NLRC5: variants seen among roughly 807,000 people sequenced by gnomAD.
NLRC5 encodes the protein NLR family CARD domain containing 5, also known as protein NLRC5.
A neutral mutation model predicts 206.9 loss-of-function variants in NLRC5; 114 were observed. The ratio of observed to expected loss-of-function variants is 0.55; its 90% CI spans 0.47 to 0.64. The LOEUF is 0.64. NLRC5 is among the 30% of genes least tolerant of loss of function. The probability of loss-of-function intolerance (pLI) is 0.00; values close to 1 mark genes in which losing one functional copy is unlikely to be tolerated. For missense variants in NLRC5, 2,008 were observed against 2,305.5 expected, an observed-to-expected ratio of 0.87 and a Z score of 2.64; for synonymous variants, 952 against 962.8, an observed-to-expected ratio of 0.99 and a Z score of 0.21.
intron 14 of NLRC5, among the ~76,000 whole-genome samples, chr16:57,036,978 C>T (rs1190547882): frequency 2.0e-5 from 3 of 152,046 alleles, no homozygotes; most frequent in African/African-American, 7.2e-5. Context: ...TTCTTGCTGT[C>T]AAGCTGGACA....
intron 4 of NLRC5, among the ~76,000 whole-genome samples, chr16:57,023,379 G>C (rs2060886580): frequency 6.6e-6 from 1 of 152,200 alleles, no homozygotes; most frequent in Admixed American, 6.5e-5. Flanking sequence ...TAACAGAGGA[G>C]GGAGGTTGCA....
At chr16:56,993,709 A>C (rs1288683504) in intron 1 of NLRC5, among the ~76,000 whole-genome samples, 1 of 152,164 alleles carries the variant, frequency 6.6e-6, no homozygotes, top group Non-Finnish European at 1.5e-5. Flanking sequence ...AGTCACCTGT[A>C]GCTCATTTTC....
chr16:57,078,052 C>T, intron 43 of NLRC5, 32 bp downstream of exon 43: 1 of 1,526,366 alleles, frequency 6.6e-7, no homozygotes, highest in Non-Finnish European at 8.9e-7. Flanking sequence ...CCATGCAGGG[C>T]TGGTGGGGAG....
At chr16:57,053,915 G>A (rs1165379427) in intron 24 of NLRC5, among the ~76,000 whole-genome samples, 5 of 152,296 alleles carry the variant, frequency 3.3e-5, no homozygotes, top group African/African-American at 1.2e-4. Flanking sequence ...GGGAAGAGAT[G>A]TGTGCAGCAG....
chr16:57,031,998 G>A (rs1232986835), intron 11 of NLRC5, among the ~76,000 whole-genome samples: 8 of 151,796 alleles, frequency 5.3e-5, no homozygotes, highest in Admixed American at 4.6e-4. Flanking sequence ...TCCCAACTGT[G>A]CTCTACCACA....
rs76174399 is a variant in NLRC5 at position 56,997,318 on chromosome 16, A to C, written c.-128+7701A>C. ...AATACTGTAGCCTGATGCCCAGCCTATGCCGGGAACTCAGTACATAACAGC... is the reference window on the plus strand; with the variant it reads ...AATACTGTAGCCTGATGCCCAGCCTCTGCCGGGAACTCAGTACATAACAGC... On this transcript the variant is annotated intron_variant, in intron 1 of 48. Transcript: ENST00000688547. Among the ~76,000 whole-genome samples the C allele has an allele frequency of 0.011, 1,622 of 152,248 alleles. 70 individuals are homozygous for C. In the East Asian group the frequency reaches 0.11, roughly 10 times the overall value.
intron 1 of NLRC5, among the ~76,000 whole-genome samples, chr16:57,006,239 T>A (rs1476192010): frequency 6.6e-6 from 1 of 152,016 alleles, no homozygotes; most frequent in Non-Finnish European, 1.5e-5. Flanking sequence ...CCTCAAGTGA[T>A]CTGCCCGCCT....
At chr16:57,065,045 T>C (rs1343798296) in intron 32 of NLRC5, among the ~76,000 whole-genome samples, 167 bp from the exon 33 acceptor site, 1 of 152,226 alleles carries the variant, frequency 6.6e-6, no homozygotes, top group Non-Finnish European at 1.5e-5. Flanking sequence ...AATTTCCTTT[T>C]TTAGATTGAT....
rs752220305 is a variant in NLRC5 at position 57,078,012 on chromosome 16, G to A, written c.5073G>A (p.Arg1691=). Residue 1691 remains arginine (R), a synonymous_variant, in exon 43 of 49, where the codon AGG becomes AGA. Transcript: ENST00000688547. ...CTCAGGAGCTGCCCCAGCACCTGAGGGTCCTACAGTGAGTGGCCCCCTGCC... is the reference window on the plus strand; with the variant it reads ...CTCAGGAGCTGCCCCAGCACCTGAGAGTCCTACAGTGAGTGGCCCCCTGCC... ...GLAQELPQHL[R]VLHLPFSHLG... 1 of 1,599,082 alleles carries A rather than the reference G, an allele frequency of 6.3e-7. No individual in the cohort carries two copies. Among genetic ancestry groups the A allele is most frequent in the South Asian group, 1.1e-5 (1 of 90,118 alleles).
At position 57,059,489 on chromosome 16, in the gene NLRC5, C is replaced by T. The variant is rs768031202; in HGVS notation, c.3943C>T (p.Arg1315Trp). ...CAGCCTGGGCTCTGAGCAGAGCTTC[C>T]GGATTCACTTCTCCAGAGAGGACCA... is the stretch of plus-strand genomic sequence containing the variant. ...SVNLGSEQSF[R>W]IHFSREDQAG... The change falls in exon 30 of 49, where the codon CGG becomes TGG. Residue 1315 changes from arginine to tryptophan, a missense_variant. Coordinates refer to ENST00000688547, the MANE Select transcript of NLRC5 (RefSeq NM_001384950.1). 39 of 1,611,304 alleles carry T rather than the reference C, an allele frequency of 2.4e-5. No individual in the cohort carries two copies. The East Asian group carries it at 5.8e-4, about 24-fold the overall frequency.
intron 1 of NLRC5, chr16:57,013,386 C>T (rs2059703480): frequency 6.3e-6 from 4 of 630,274 alleles, no homozygotes; most frequent in African/African-American, 1.8e-5. Flanking sequence ...AGTTACTAAG[C>T]TGTTGAACAA....
chr16:57,079,089 C>A lies in NLRC5; in HGVS notation c.5121C>A (p.Ser1707Arg). ...FSHLGPGGAL[S>R]LAQALDGSPH... ...ATCTGGGCCCAGGTGGGGCCCTGAG[C>A]CTGGCCCAGGCCCTGGATGGATCCC... The change falls in exon 44 of 49, where the codon AGC (serine) becomes AGA (arginine). Residue 1707 changes from serine to arginine, a missense_variant. Transcript: ENST00000688547. 6.2e-7 allele frequency: 1 copy of A among 1,614,186 alleles called. No individual in the cohort carries two copies. The highest frequency in any genetic ancestry group is 8.5e-7 in the Non-Finnish European group (1 of 1,180,026).
chr16:57,072,984 C>T (rs247591), intron 38 of NLRC5, among the ~76,000 whole-genome samples: 49,082 of 152,036 alleles, frequency 0.32, 9,936 homozygotes, highest in Non-Finnish European at 0.44. Flanking sequence ...GCCCTCCTGT[C>T]GTCTCACTGG....
At position 57,079,134 on chromosome 16, in the gene NLRC5, G is replaced by A. The variant is rs2068801524; in HGVS notation, c.5165+1G>A. On this transcript the variant is annotated splice_donor_variant, in intron 44 of 48. Coordinates refer to ENST00000688547, the MANE Select transcript of NLRC5 (RefSeq NM_001384950.1). LOFTEE classifies it high-confidence loss of function. ...GATCCCCCCATTTGGAAGAGATCAG[G>A]TAAGTAGGGGCTGCCCAGCCCAGGC... The A allele has an allele frequency of 1.2e-6, 2 of 1,614,006 alleles. No individual in the cohort carries two copies. Among genetic ancestry groups the A allele is most frequent in the Admixed American group, 1.7e-5 (1 of 60,004 alleles).
At chr16:57,029,736 C>A in intron 8 of NLRC5, 37 bp from the exon 9 acceptor site, 1 of 1,593,986 alleles carries the variant, frequency 6.3e-7, no homozygotes, top group Non-Finnish European at 8.6e-7. Flanking sequence ...GTGCCCCAAC[C>A]CCAGGGCAAA....
chr16:57,082,581 A>G lies in NLRC5; in HGVS notation c.*53A>G. The G allele has an allele frequency of 7.4e-7, 1 of 1,348,502 alleles. No individual in the cohort carries two copies. The highest frequency in any genetic ancestry group is 2.3e-5 in the East Asian group (1 of 42,956). 83.5% of individuals were successfully genotyped at this position (1,348,502 alleles called of 1,614,324 possible). A position where few individuals can be genotyped will look rare whatever the true frequency, so the allele number is the denominator to read the frequency against. On this transcript the variant is annotated 3_prime_UTR_variant, in exon 49 of 49. Transcript: ENST00000688547. ...GCCAAGTGATGCACCCAAATGATCCACCTTTCGCCCACTGGGATAATTGAC... is the reference window on the plus strand; with the variant it reads ...GCCAAGTGATGCACCCAAATGATCCGCCTTTCGCCCACTGGGATAATTGAC...
chr16:57,000,285 A>G (rs778463666), intron 1 of NLRC5, among the ~76,000 whole-genome samples: 1 of 151,944 alleles, frequency 6.6e-6, no homozygotes, highest in African/African-American at 2.4e-5. Flanking sequence ...CCAGTCCTGG[A>G]GGAGGGTGCA....
intron 1 of NLRC5, among the ~76,000 whole-genome samples, chr16:57,011,720 CA>C (rs34446834): frequency 0.87 from 118,897 of 135,894 alleles, 52,594 homozygotes; most frequent in Middle Eastern, 0.98. Context: ...GACCCTGTGT[CA>C]AAAAAAAAAA....
chr16:57,045,151 G>A (rs1018747641), intron 20 of NLRC5: 20 of 357,288 alleles, frequency 5.6e-5, no homozygotes, highest in Non-Finnish European at 1.0e-4. Context: ...AGGCTGCAGT[G>A]AGCCATGACT....
Sources: gnomAD v4.1 joint callset for allele counts (sites outside exome capture counted in the v4.1 genomes callset) on GRCh38, gnomAD v4.1.1 for gene constraint, MANE v1.5 for transcripts, NCBI Gene and HGNC (gene_info 2026-07-23, HGNC 2026-07-21) for gene names.